DDX17: variants seen among roughly 807,000 people sequenced by gnomAD.
DDX17 encodes DEAD-box helicase 17, also known as probable ATP-dependent RNA helicase DDX17.
DDX17 carries 10 observed loss-of-function variants against 80.8 expected under a neutral mutation model. The ratio of observed to expected loss-of-function variants is 0.12; its 90% confidence interval spans 0.08 to 0.21. DDX17 has a LOEUF of 0.21. Ranked by LOEUF, DDX17 falls within the 10% of genes least tolerant of loss-of-function variation. The pLI, the probability that DDX17 is intolerant of heterozygous loss-of-function variation, is 1.00. For missense variants in DDX17, 586 were observed against 957.4 expected, an observed-to-expected ratio of 0.61 and a Z score of 5.12; for synonymous variants, 339 against 336.2, an observed-to-expected ratio of 1.01 and a Z score of -0.09.
chr22:38,504,916 G>A (rs551273816), intron 1 of DDX17, among the ~76,000 whole-genome samples: 83 of 152,216 alleles, frequency 5.5e-4, no homozygotes, highest in African/African-American at 1.8e-3. Context: ...TGGGGAAGCG[G>A]GGGGGTCGGG....
At chr22:38,490,315 A>C in intron 11 of DDX17, 4 of 1,286,984 alleles carry the variant, frequency 3.1e-6, no homozygotes, top group Non-Finnish European at 4.0e-6. Context: ...ACATGGCCTG[A>C]ATCGCCAATC....
At chr22:38,498,312 A>T (rs1355976700) in intron 4 of DDX17, 128 bp downstream of exon 4, 7 of 1,425,080 alleles carry the variant, frequency 4.9e-6, no homozygotes, top group Non-Finnish European at 6.7e-6. Flanking sequence ...ATGCTTCCAT[A>T]TATTTAATAA....
In DDX17 at chr22:38,485,946, A is replaced by AAGG. The variant is rs996458684; in HGVS notation, c.2176_2178dup (p.Pro726dup). 3.7e-6 allele frequency: 6 copies of AAGG among 1,613,258 alleles called. No homozygotes were observed. The highest frequency in any genetic ancestry group is 1.7e-5 in the Admixed American group (1 of 59,952). ...CCACTTGAGTGGTTTCATTTACGTGAAGGAGGAGGAGGGGGAGGAGGAGGA... is the reference window on the plus strand; with the variant it reads ...CCACTTGAGTGGTTTCATTTACGTGAAGGAGGAGGAGGAGGGGGAGGAGGAGGA... On this transcript the variant is annotated inframe_insertion, in exon 13 of 13. Transcript: ENST00000403230.
In DDX17 at chr22:38,495,032, T is replaced by C. The variant is rs77367394; in HGVS notation, c.895A>G (p.Ile299Val). 1 of 1,613,428 alleles carries C rather than the reference T, an allele frequency of 6.2e-7. No homozygotes were observed. The highest frequency in any genetic ancestry group is 8.5e-7 in the Non-Finnish European group (1 of 1,179,754). Residue 299 changes from isoleucine to valine, a missense_variant, in exon 7 of 13, where the codon ATA becomes GTA. Ile to Val is a conservative substitution (Grantham distance 29). Transcript: ENST00000403230. ...TCTATCAGACGTCCAGGAGTGGCTA[T>C]GCAGATCTCAACACCTGTAAAACAA...
chr22:38,494,588 GT>G (rs761600742), intron 8 of DDX17, 41 bp downstream of exon 8: 1 of 1,592,268 alleles, frequency 6.3e-7, no homozygotes, highest in Non-Finnish European at 8.6e-7. Context: ...ATTAGAAAAG[GT>G]TTATCAGCAT....
chr22:38,493,062 T>C (rs1183242219), intron 10 of DDX17, among the ~76,000 whole-genome samples: 2 of 152,196 alleles, frequency 1.3e-5, no homozygotes. Context: ...TAAAGAACCA[T>C]GAGCACACGC....
chr22:38,485,211 T>C lies in DDX17; in HGVS notation c.*724A>G, dbSNP rs893177695. ...ACAGTTTAACCACTACAATAAACAC[T>C]TGTGGTTTTTAATTTAAAGGATACA... On this transcript the variant is annotated 3_prime_UTR_variant, in exon 13 of 13. Transcript: ENST00000403230. 6.6e-6 allele frequency: 1 copy of C among 152,162 alleles called. No homozygotes were observed. Among genetic ancestry groups the C allele is most frequent in the Non-Finnish European group, 1.5e-5 (1 of 68,022 alleles). The allele number at this position is 152,162 out of a possible 1,614,324, so 9.4% of individuals were successfully genotyped here. A position where few individuals can be genotyped will look rare whatever the true frequency, so the allele number is the denominator to read the frequency against.
chr22:38,490,497 C>CAA (rs915534007), intron 11 of DDX17: 1 of 1,220,126 alleles, frequency 8.2e-7, no homozygotes, highest in Non-Finnish European at 1.1e-6. Flanking sequence ...GTAGTTCAAA[C>CAA]AAAAAAAAGG....
In DDX17 at chr22:38,506,085, TGGCGGCGGCGCCTCCGCTGTTGG is replaced by T. The variant is rs1569145138; in HGVS notation, c.130_152del (p.Pro44IlefsTer42). 4 of 1,579,156 alleles carry T rather than the reference TGGCGGCGGCGCCTCCGCTGTTGG, an allele frequency of 2.5e-6. No homozygotes were observed. Among genetic ancestry groups the T allele is most frequent in the Non-Finnish European group, 2.6e-6 (3 of 1,163,302 alleles). On this transcript the variant is annotated frameshift_variant, in exon 1 of 13. Transcript: ENST00000403230. LOFTEE classifies it high-confidence loss of function. Reference sequence around the variant, plus strand: ...GCGGCTCCGGTCTGGTGACGACCGATGGCGGCGGCGCCTCCGCTGTTGGGGCGGCGGCAGGCGCAGCGCTCTCT... The same window carrying T: ...GCGGCTCCGGTCTGGTGACGACCGATGGCGGCGGCAGGCGCAGCGCTCTCT...
In DDX17 at chr22:38,498,360, G is replaced by A. The variant is rs866776459; in HGVS notation, c.672+80C>T. 1.1e-4 allele frequency: 180 copies of A among 1,576,916 alleles called. No homozygotes were observed. The Middle Eastern group carries it at 4.9e-3, about 43-fold the overall frequency. ...CTAACTATCTGAATGGCACTTCTAC[G>A]AAGAACTGAGAACGTATGACAACTA... On this transcript the variant is annotated intron_variant, in intron 4 of 12. Coordinates refer to ENST00000403230, the MANE Select transcript of DDX17 (RefSeq NM_006386.5).
In DDX17 at chr22:38,501,184, G is replaced by A; in HGVS notation, c.384C>T (p.Pro128=). The A allele has an allele frequency of 6.2e-7, 1 of 1,613,460 alleles. No individual in the cohort carries two copies. Among genetic ancestry groups the A allele is most frequent in the Non-Finnish European group, 8.5e-7 (1 of 1,179,814 alleles). Residue 128 remains proline, a synonymous_variant, in exon 2 of 13, where the codon CCC becomes CCT. Transcript: ENST00000403230. ...CCACATAAAAATTTTTCTCAAACTT[G>A]GGGAGCTCACTCAAATCCCACTTTT...
intron 6 of DDX17, among the ~76,000 whole-genome samples, chr22:38,495,248 T>TC (rs1422919602): frequency 1.3e-5 from 2 of 148,266 alleles, no homozygotes; most frequent in Non-Finnish European, 3.0e-5. Context: ...GAGAAGCTAT[T>TC]TTTTTTTTTT....
Position 38,498,084 on chromosome 22 carries a change from C to T in DDX17, c.738+1G>A. The T allele has an allele frequency of 6.2e-7, 1 of 1,613,422 alleles. No individual in the cohort carries two copies. The highest frequency in any genetic ancestry group is 8.5e-7 in the Non-Finnish European group (1 of 1,179,486). ...TTACAAAGAAACTGAAACACACTTA[C>T]GATTGGGCCATCTCCCCTTTCCAAG... On this transcript the variant is annotated splice_donor_variant, in intron 5 of 12. Coordinates refer to ENST00000403230, the MANE Select transcript of DDX17 (RefSeq NM_006386.5). LOFTEE classifies it high-confidence loss of function.
At chr22:38,498,383 C>T (rs1408891088) in intron 4 of DDX17, 57 bp downstream of exon 4, 1 of 1,606,808 alleles carries the variant, frequency 6.2e-7, no homozygotes, top group East Asian at 2.2e-5. Flanking sequence ...CGTATGACAA[C>T]TAGAATAGCA....
At chr22:38,496,053 A>G (rs552797122) in intron 5 of DDX17, 116 bp from the exon 6 acceptor site, 2 of 906,924 alleles carry the variant, frequency 2.2e-6, no homozygotes, top group South Asian at 6.1e-5. Context: ...AATCTAGCAC[A>G]TTAAAAGTGA....
At chr22:38,503,433 T>C (rs879838972) in intron 1 of DDX17, among the ~76,000 whole-genome samples, 1 of 152,168 alleles carries the variant, frequency 6.6e-6, no homozygotes, top group African/African-American at 2.4e-5. Context: ...TATTTTTTTT[T>C]CCTCTCTCCT....
Position 38,492,085 on chromosome 22 carries a change from A to G in DDX17, c.1418T>C (p.Ile473Thr), listed in dbSNP as rs1355416939. Residue 473 changes from isoleucine to threonine, a missense_variant, in exon 11 of 13, where the codon ATT becomes ACT. Transcript: ENST00000403230. ...CCCACGGGAGGCTACATCTGTAGCA[A>G]TAAGGATGGGTGCCTTTCCAGAACG... 1 of 1,612,594 alleles carries G rather than the reference A, an allele frequency of 6.2e-7. No homozygotes were observed. Among genetic ancestry groups the G allele is most frequent in the Non-Finnish European group, 8.5e-7 (1 of 1,179,402 alleles).
intron 10 of DDX17, among the ~76,000 whole-genome samples, 155 bp from the exon 11 acceptor site, chr22:38,492,270 T>C (rs2089720972): frequency 6.6e-6 from 1 of 152,228 alleles, no homozygotes; most frequent in African/African-American, 2.4e-5. Flanking sequence ...ATTACACTCA[T>C]ATTCAGCAGC....
intron 11 of DDX17, chr22:38,490,433 G>A (rs2089701854): frequency 7.8e-7 from 1 of 1,289,152 alleles, no homozygotes; most frequent in African/African-American, 1.5e-5. Flanking sequence ...TGATATCAAA[G>A]CTTCTGTTAA....
Sources: allele counts gnomAD v4.1 joint callset (sites outside exome capture counted in the v4.1 genomes callset), GRCh38; gene constraint gnomAD v4.1.1; transcripts MANE v1.5; gene names NCBI Gene and HGNC (gene_info 2026-07-23, HGNC 2026-07-21).